The following CAMTA1 variants were observed in gnomAD, a reference collection of about 807,000 sequenced individuals.
CAMTA1 encodes the protein calmodulin-binding transcription activator 1.
A neutral mutation model predicts 170.9 loss-of-function variants in CAMTA1; 27 were observed. That is an observed-to-expected ratio of 0.16 (90% CI 0.12 to 0.22). CAMTA1 has a LOEUF of 0.22. Among genes scored for constraint, CAMTA1 ranks in the 10% least tolerant of loss-of-function variants. The pLI is 1.00. For missense variants in CAMTA1, 1,619 were observed against 2,217.2 expected (o/e 0.73, Z 5.42); for synonymous variants, 833 against 891.5 (o/e 0.93, Z 1.17).
intron 5 of CAMTA1, among the ~76,000 whole-genome samples, chr1:7,359,868 G>C (rs192486136): frequency 6.6e-6 from 1 of 152,144 alleles, no homozygotes; most frequent in Non-Finnish European, 1.5e-5. Context: ...TAGGGCTGCC[G>C]TACCACAAAC....
At chr1:6,798,057 C>T (rs372033965) in intron 1 of CAMTA1, among the ~76,000 whole-genome samples, 12 of 148,870 alleles carry the variant, frequency 8.1e-5, no homozygotes, top group African/African-American at 1.5e-4. Context: ...AGTGCGATGG[C>T]GCGATCTTGG....
intron 3 of CAMTA1, among the ~76,000 whole-genome samples, chr1:7,051,464 G>A (rs1380682539): frequency 1.3e-5 from 2 of 152,186 alleles, no homozygotes; most frequent in African/African-American, 4.8e-5. Flanking sequence ...GGGGCTGCAC[G>A]GACGGAGACC....
At chr1:7,683,224 A>G (rs2096228261) in intron 11 of CAMTA1, among the ~76,000 whole-genome samples, 1 of 151,886 alleles carries the variant, frequency 6.6e-6, no homozygotes, top group Admixed American at 6.6e-5. Flanking sequence ...CACTGAGAAC[A>G]CATTCCAAAG....
chr1:7,687,992 C>T (rs1245056048), intron 11 of CAMTA1, among the ~76,000 whole-genome samples: 2 of 136,316 alleles, frequency 1.5e-5, no homozygotes, highest in South Asian at 2.5e-4. Context: ...AAATCGATTA[C>T]GTCGGACTCT....
At chr1:7,730,339 C>T (rs1348344170) in intron 11 of CAMTA1, among the ~76,000 whole-genome samples, 5 of 152,178 alleles carry the variant, frequency 3.3e-5, no homozygotes, top group Admixed American at 2.6e-4. Flanking sequence ...TCCAGCCACA[C>T]GGTCTTCTGC....
At chr1:7,242,066 T>A (rs1227604387) in intron 4 of CAMTA1, among the ~76,000 whole-genome samples, 2 of 152,194 alleles carry the variant, frequency 1.3e-5, no homozygotes, top group Non-Finnish European at 2.9e-5. Flanking sequence ...GATAAAGGAC[T>A]TGTATCTAGA....
At position 7,680,757 on chromosome 1, in the gene CAMTA1, C is replaced by T. The variant is rs1440364379; in HGVS notation, c.2914+3024C>T. Among the ~76,000 whole-genome samples the T allele has an allele frequency of 6.6e-6, 1 of 151,094 alleles. No individual in the cohort carries two copies. The highest frequency in any genetic ancestry group is 2.4e-5 in the African/African-American group (1 of 41,106). On this transcript the variant is annotated intron_variant, in intron 11 of 22. Transcript: ENST00000303635. The surrounding 1 kb of genome is among the most constrained non-coding windows in gnomAD (Gnocchi z 4.4). ...AAAATGTTTGAGGGCGGGGAAGAGA[C>T]TGTCTGCCCTCATTTGATCTAAAAC...
At chr1:6,950,037 A>G (rs1052326418) in intron 3 of CAMTA1, among the ~76,000 whole-genome samples, 1 of 152,236 alleles carries the variant, frequency 6.6e-6, no homozygotes, top group African/African-American at 2.4e-5. Context: ...TGCAGGCCCT[A>G]TGACACCCAA....
intron 4 of CAMTA1, among the ~76,000 whole-genome samples, chr1:7,161,217 C>T (rs1370552827): frequency 6.6e-6 from 1 of 152,170 alleles, no homozygotes; most frequent in Non-Finnish European, 1.5e-5. Flanking sequence ...CCCCACATTC[C>T]TTTCATCTCT....
Position 7,314,734 on chromosome 1 carries a change from A to G in CAMTA1, c.438+65108A>G, listed in dbSNP as rs185639129. Among the ~76,000 whole-genome samples, 8 of 152,292 alleles carry G rather than the reference A, an allele frequency of 5.3e-5. No individual in the cohort carries two copies. The East Asian group carries it at 9.7e-4, about 18-fold the overall frequency. On this transcript the variant is annotated intron_variant, in intron 5 of 22. Transcript: ENST00000303635. The stretch of plus-strand genomic sequence containing the variant: ...TGGCTGATTTCATGTGCTATTGACA[A>G]ATCTTTCACATTTCTGACAGTTACA...
chr1:6,814,037 T>A (rs1645495489), intron 1 of CAMTA1, among the ~76,000 whole-genome samples: 1 of 152,200 alleles, frequency 6.6e-6, no homozygotes, highest in Non-Finnish European at 1.5e-5. Flanking sequence ...AGACATTGTA[T>A]TAAGTATTAC....
In CAMTA1 at chr1:7,163,798, G is replaced by C. The variant is rs919238920; in HGVS notation, c.302+72427G>C. Among the ~76,000 whole-genome samples the C allele has an allele frequency of 4.6e-5, 7 of 152,268 alleles. No individual in the cohort carries two copies. In the South Asian group the frequency reaches 1.0e-3, roughly 23 times the overall value. On this transcript the variant is annotated intron_variant, in intron 4 of 22. Coordinates refer to ENST00000303635, the MANE Select transcript of CAMTA1 (RefSeq NM_015215.4). ...GTCGAAGGATTGGGGAGGGTGCGGG[G>C]AGCAGGCCAGGGAGGGACAGTGCCT...
chr1:7,249,405 A>G lies in CAMTA1; in HGVS notation c.303-86A>G. On this transcript the variant is annotated intron_variant, in intron 4 of 22. Transcript: ENST00000303635. The surrounding 1 kb of genome is among the most constrained non-coding windows in gnomAD (Gnocchi z 4.4). ...AATGTGGAATATTGCTTTTCTGTAG[A>G]GACTTTTACTGGTCGATGATATCTT... 8.0e-7 allele frequency: 1 copy of G among 1,252,592 alleles called. No homozygotes were observed. Among genetic ancestry groups the G allele is most frequent in the Non-Finnish European group, 1.1e-6 (1 of 898,896 alleles). The allele number at this position is 1,252,592 out of a possible 1,614,324, so 77.6% of individuals were successfully genotyped here. A position where few individuals can be genotyped will look rare whatever the true frequency, so the allele number is the denominator to read the frequency against.
At chr1:7,450,016 A>G (rs1322158661) in intron 5 of CAMTA1, among the ~76,000 whole-genome samples, 1 of 152,048 alleles carries the variant, frequency 6.6e-6, no homozygotes, top group Non-Finnish European at 1.5e-5. Context: ...TGTTACCCTT[A>G]GGGCCTGGTG....
chr1:6,940,429 C>G (rs1253531780), intron 3 of CAMTA1, among the ~76,000 whole-genome samples: 1 of 151,392 alleles, frequency 6.6e-6, no homozygotes, highest in Admixed American at 6.6e-5. Context: ...TGATGCCCCC[C>G]ACACTGGGGA....
At chr1:7,697,819 T>G (rs1485354297) in intron 11 of CAMTA1, among the ~76,000 whole-genome samples, 2 of 152,192 alleles carry the variant, frequency 1.3e-5, no homozygotes, top group Non-Finnish European at 2.9e-5. Flanking sequence ...TCATGGCATA[T>G]CCTGGTAGCA....
intron 6 of CAMTA1, among the ~76,000 whole-genome samples, chr1:7,607,325 T>C (rs114327257): frequency 3.7e-4 from 56 of 150,372 alleles, no homozygotes; most frequent in African/African-American, 1.3e-3. Context: ...GGTGGGTGGA[T>C]GGATGGATGG....
Position 7,469,036 on chromosome 1 carries a change from G to T in CAMTA1, c.510+1135G>T, listed in dbSNP as rs1257906045. Among the ~76,000 whole-genome samples the T allele has an allele frequency of 1.4e-4, 21 of 152,316 alleles. No individual in the cohort carries two copies. In the South Asian group the frequency reaches 2.7e-3, roughly 20 times the overall value. On this transcript the variant is annotated intron_variant, in intron 6 of 22. Coordinates refer to ENST00000303635, the MANE Select transcript of CAMTA1 (RefSeq NM_015215.4). ...ACAGGGCCCTCTATCCATCGGCTCT[G>T]CCCAGCCCCAGCCTCCAAACCCTTT...
chr1:7,215,882 A>G (rs1039902469), intron 4 of CAMTA1, among the ~76,000 whole-genome samples: 26 of 152,198 alleles, frequency 1.7e-4, no homozygotes, highest in Admixed American at 3.3e-4. Context: ...TGAATATTCT[A>G]TGTGTACTTA....
Sources: gnomAD v4.1 joint callset for allele counts (sites outside exome capture counted in the v4.1 genomes callset) on GRCh38, gnomAD v4.1.1 for gene constraint, Gnocchi (gnomAD v3.1) non-coding constraint, MANE v1.5 for transcripts, NCBI Gene and HGNC (gene_info 2026-07-23, HGNC 2026-07-21) for gene names.